The following SNX18 variants were observed in gnomAD, a reference collection of about 807,000 sequenced individuals.
SNX18 encodes sorting nexin 18.
A neutral mutation model predicts 48.7 loss-of-function variants in SNX18; 35 were observed. That is an observed-to-expected ratio of 0.72 (90% CI 0.55 to 0.95). The LOEUF (loss-of-function observed/expected upper bound fraction) is 0.95. Ranked by LOEUF, SNX18 falls within the 40% of genes least tolerant of loss-of-function variation. The probability of loss-of-function intolerance (pLI) is 0.00; values close to 1 mark genes in which losing one functional copy is unlikely to be tolerated. For synonymous variants in SNX18, 492 were observed against 384.7 expected (o/e 1.28, Z -3.26); for missense variants, 824 against 871.0 (o/e 0.95, Z 0.68).
In SNX18 at chr5:54,544,574, TACTG is replaced by T. The variant is rs2111617581; in HGVS notation, c.*1144_*1147del. 1 of 125,256 alleles carries T rather than the reference TACTG, an allele frequency of 8.0e-6. No individual in the cohort carries two copies. Among genetic ancestry groups the T allele is most frequent in the South Asian group, 2.4e-4 (1 of 4,164 alleles). 7.8% of individuals were successfully genotyped at this position (125,256 alleles called of 1,614,324 possible). On this transcript the variant is annotated 3_prime_UTR_variant, in exon 2 of 2. Coordinates refer to ENST00000381410, the MANE Select transcript of SNX18 (RefSeq NM_001102575.2). The stretch of plus-strand genomic sequence containing the variant: ...CAGAAATAATTTTTGCTATTCCAAA[TACTG>T]AAGGAAAAAGATAATTGATTTATAC...
At chr5:54,578,874 G>A in the SNX18 span, among the ~76,000 whole-genome samples, 2 of 152,166 alleles carry the variant, frequency 1.3e-5, no homozygotes, top group African/African-American at 2.4e-5. Context: ...GGGAGATGCA[G>A]GAATGTAGAA....
the SNX18 span, among the ~76,000 whole-genome samples, chr5:54,555,812 G>A: frequency 1.3e-5 from 2 of 149,138 alleles, no homozygotes; most frequent in African/African-American, 5.0e-5. Flanking sequence ...GGGCGACAGA[G>A]TGAGACCTTG....
downstream of SNX18, among the ~76,000 whole-genome samples, chr5:54,551,483 C>T (rs975905080): frequency 3.9e-5 from 6 of 152,198 alleles, no homozygotes; most frequent in Non-Finnish European, 8.8e-5. Flanking sequence ...CAACTAATTA[C>T]GTAAGATCCT....
At chr5:54,616,792 T>A in the SNX18 span, among the ~76,000 whole-genome samples, 5 of 151,910 alleles carry the variant, frequency 3.3e-5, no homozygotes, top group Non-Finnish European at 7.4e-5. Flanking sequence ...AAAATGTGCA[T>A]CTTAGAATAA....
the SNX18 span, among the ~76,000 whole-genome samples, chr5:54,603,661 G>A: frequency 6.6e-6 from 1 of 152,160 alleles, no homozygotes; most frequent in South Asian, 2.1e-4. Flanking sequence ...AAGAAAGTCA[G>A]AGTTTCCTGG....
At chr5:54,555,162 G>T in the SNX18 span, among the ~76,000 whole-genome samples, 2 of 152,174 alleles carry the variant, frequency 1.3e-5, no homozygotes, top group African/African-American at 4.8e-5. Flanking sequence ...CGGGGTTCAG[G>T]CATTACCTGC....
intron 1 of SNX18, among the ~76,000 whole-genome samples, chr5:54,534,886 A>T (rs1762323945): frequency 6.6e-6 from 1 of 152,204 alleles, no homozygotes; most frequent in Non-Finnish European, 1.5e-5. Flanking sequence ...CACTACTCTC[A>T]TACTGTCATT....
the SNX18 span, among the ~76,000 whole-genome samples, chr5:54,623,140 T>C: frequency 1.6e-3 from 248 of 152,268 alleles, no homozygotes; most frequent in African/African-American, 5.7e-3. Flanking sequence ...ACGTGAGAAC[T>C]GGAGGGTGTC....
At chr5:54,529,048 G>A (rs1436775851) in intron 1 of SNX18, among the ~76,000 whole-genome samples, 5 of 152,184 alleles carry the variant, frequency 3.3e-5, no homozygotes, top group Non-Finnish European at 2.9e-5. Context: ...AGATCAAATG[G>A]GGTGCCGACA....
chr5:54,623,942 G>T, the SNX18 span, among the ~76,000 whole-genome samples: 5 of 152,144 alleles, frequency 3.3e-5, no homozygotes, highest in African/African-American at 1.2e-4. Flanking sequence ...AAACAGAATA[G>T]AATTCACTTA....
At chr5:54,639,311 G>A in the SNX18 span, among the ~76,000 whole-genome samples, 3 of 152,090 alleles carry the variant, frequency 2.0e-5, no homozygotes, top group Non-Finnish European at 2.9e-5. Flanking sequence ...TTCAGAAAAA[G>A]CAATGCATTA....
the SNX18 span, among the ~76,000 whole-genome samples, chr5:54,581,784 G>A: frequency 2.0e-5 from 3 of 152,214 alleles, no homozygotes; most frequent in Admixed American, 6.5e-5. Flanking sequence ...CACGTGGGTG[G>A]TGCTGGTTTT....
rs1413600871 is a variant in SNX18, at chr5:54,519,131, C to A, written c.1179C>A (p.Gly393=). ...CCGACGAGAAAGCCTGGAAGCAGGG[C>A]AAGAGGAAGGCCGAGAAGGACGAGA... ...SSTDEKAWKQ[G]KRKAEKDEMV... Residue 393 remains glycine (G), a synonymous_variant, in exon 1 of 2, where the codon GGC becomes GGA. Coordinates refer to ENST00000381410, the MANE Select transcript of SNX18 (RefSeq NM_001102575.2). 1 of 1,614,088 alleles carries A rather than the reference C, an allele frequency of 6.2e-7. No homozygotes were observed. Among genetic ancestry groups the A allele is most frequent in the East Asian group, 2.2e-5 (1 of 44,874 alleles).
the SNX18 span, among the ~76,000 whole-genome samples, chr5:54,602,327 G>A: frequency 2.0e-5 from 3 of 152,308 alleles, no homozygotes. Context: ...CAATGGCCAG[G>A]AGGATAGGTA....
chr5:54,519,603 T>A lies in SNX18; in HGVS notation c.1621+30T>A, dbSNP rs768001286. ...AGCCTGGCCCTTAGAGCAGGTGATA[T>A]GGAGTGTATTGTGCAGGCTGAAAGG... On this transcript the variant is annotated intron_variant, in intron 1 of 1. Transcript: ENST00000381410. 3 of 1,613,998 alleles carry A rather than the reference T, an allele frequency of 1.9e-6. No homozygotes were observed. The East Asian group carries it at 6.7e-5, about 36-fold the overall frequency.
the SNX18 span, among the ~76,000 whole-genome samples, chr5:54,570,539 C>T: frequency 1.3e-5 from 2 of 152,130 alleles, no homozygotes; most frequent in East Asian, 1.9e-4. Context: ...GCCTAAGACA[C>T]GTAACCCAAT....
the SNX18 span, among the ~76,000 whole-genome samples, chr5:54,632,418 A>G: frequency 1.1e-3 from 170 of 152,314 alleles, no homozygotes; most frequent in African/African-American, 3.9e-3. Context: ...AGGAATGGAA[A>G]CTGGGCCTTG....
At chr5:54,553,993 T>C in the SNX18 span, among the ~76,000 whole-genome samples, 1 of 152,242 alleles carries the variant, frequency 6.6e-6, no homozygotes, top group African/African-American at 2.4e-5. Flanking sequence ...CATGCCCTAA[T>C]GTGCAAACAC....
chr5:54,609,720 G>A, the SNX18 span, among the ~76,000 whole-genome samples: 30 of 152,266 alleles, frequency 2.0e-4, no homozygotes, highest in African/African-American at 5.1e-4. Context: ...GAAGACAAAC[G>A]TGAGCCAATA....
Sources: gnomAD v4.1 joint callset for allele counts (sites outside exome capture counted in the v4.1 genomes callset) on GRCh38, gnomAD v4.1.1 for gene constraint, MANE v1.5 for transcripts, NCBI Gene and HGNC (gene_info 2026-07-23, HGNC 2026-07-21) for gene names.